The following PODN variants were observed in gnomAD, a reference collection of about 807,000 sequenced individuals.
PODN encodes podocan, also known as podocan proteoglycan.
In PODN, 40 loss-of-function variants were observed where a neutral mutation model predicts 52.7. The ratio of observed to expected loss-of-function variants is 0.76; its 90% CI spans 0.59 to 0.99. The LOEUF (loss-of-function observed/expected upper bound fraction) is 0.99. PODN is among the 50% of genes least tolerant of loss of function. PODN has a pLI of 0.00. For synonymous variants in PODN, 396 were observed against 377.9 expected (o/e 1.05, Z -0.56); for missense variants, 720 against 815.1 (o/e 0.88, Z 1.42).
chr1:53,069,993 G>A lies in PODN; in HGVS notation c.138G>A (p.Ala46=), dbSNP rs759710132. ...HSLSPEENEF[A]EEEPVLVLSP... is the part of the protein sequence containing the mutation. ...TGAGCCCCGAAGAGAACGAATTTGC[G>A]GAGGAGGAGCCGGTGCTGGTACTGA... The change falls in exon 2 of 11, where the codon GCG becomes GCA. Residue 46 remains alanine (A), a synonymous_variant. Transcript: ENST00000312553. The A allele has an allele frequency of 2.3e-5, 37 of 1,611,910 alleles. No individual in the cohort carries two copies. Among genetic ancestry groups the A allele is most frequent in the South Asian group, 5.5e-5 (5 of 90,960 alleles).
At chr1:53,072,842 C>A (rs1180213782) in intron 3 of PODN, 1 of 152,310 alleles carries the variant, frequency 6.6e-6, no homozygotes, top group Non-Finnish European at 1.5e-5. Flanking sequence ...AGGTGGATCA[C>A]CTGAGGTCAG....
Position 53,074,899 on chromosome 1 carries a change from G to T in PODN, c.471+229G>T, listed in dbSNP as rs376690103. ...GACAGAAGCCAAGGCCCACAGGAGT[G>T]TAGAGGGGGAAGAGCTTGTCCCCAC... On this transcript the variant is annotated intron_variant, in intron 4 of 10. Transcript: ENST00000312553. Among the ~76,000 whole-genome samples the T allele has an allele frequency of 7.2e-5, 11 of 152,246 alleles. No individual in the cohort carries two copies. The East Asian group carries it at 2.1e-3, about 29-fold the overall frequency.
chr1:53,067,573 A>C (rs925060691), intron 1 of PODN, among the ~76,000 whole-genome samples: 2 of 152,126 alleles, frequency 1.3e-5, no homozygotes, highest in African/African-American at 4.8e-5. Flanking sequence ...GGCGGCTACG[A>C]TGTCTGCAAC....
In PODN at chr1:53,077,214, G is replaced by T. The variant is rs1024491921; in HGVS notation, c.606G>T (p.Lys202Asn). 3.1e-6 allele frequency: 5 copies of T among 1,613,264 alleles called. No individual in the cohort carries two copies. The highest frequency in any genetic ancestry group is 4.2e-6 in the Non-Finnish European group (5 of 1,180,018). The change falls in exon 6 of 11, where the codon AAG becomes AAT. Residue 202 changes from lysine (K) to asparagine (N), a missense_variant. Lys to Asn is a moderately conservative substitution (Grantham distance 94). Coordinates refer to ENST00000312553, the MANE Select transcript of PODN (RefSeq NM_153703.5). The stretch of plus-strand genomic sequence containing the variant: ...GGTCTGTGTACCTGCACAACAACAA[G>T]CTGGCAGACGCCGGGCTGCCGGACA... ...NLRSVYLHNN[K>N]LADAGLPDNM... is the part of the protein sequence containing the mutation.
At chr1:53,074,692 G>A (rs190197693) in intron 4 of PODN, 22 bp downstream of exon 4, 176 of 1,610,300 alleles carry the variant, frequency 1.1e-4, no homozygotes, top group Admixed American at 3.8e-4. Flanking sequence ...GAGGCAGGGT[G>A]GGGGGTTGCT....
chr1:53,080,822 C>T lies in PODN; in HGVS notation c.1607C>T (p.Ala536Val), dbSNP rs1415501705. The change falls in exon 9 of 11, where the codon GCG (alanine) becomes GTG (valine). Residue 536 changes from alanine (A) to valine (V), a missense_variant. Ala to Val is a moderately conservative substitution (Grantham distance 64). Transcript: ENST00000312553. Reference sequence around the variant, plus strand: ...TACCTGCAGAACAACAAGATTAGTGCGGTGCCCGCCAATGCCTTCGACTCC... The same window carrying T: ...TACCTGCAGAACAACAAGATTAGTGTGGTGCCCGCCAATGCCTTCGACTCC... ...YLYLQNNKIS[A>V]VPANAFDSTP... 2.6e-5 allele frequency: 42 copies of T among 1,613,908 alleles called. No homozygotes were observed. Among genetic ancestry groups the T allele is most frequent in the Middle Eastern group, 1.6e-4 (1 of 6,084 alleles).
intron 9 of PODN, 68 bp from the exon 10 acceptor site, chr1:53,081,913 C>T: frequency 6.5e-7 from 1 of 1,527,046 alleles, no homozygotes; most frequent in East Asian, 2.3e-5. Flanking sequence ...CTGGAGAGGC[C>T]AGTCGGGGGA....
At position 53,078,558 on chromosome 1, in the gene PODN, A is replaced by T; in HGVS notation, c.1048A>T (p.Ile350Phe). The change falls in exon 8 of 11, where the codon ATC becomes TTC. Residue 350 changes from isoleucine to phenylalanine, a missense_variant. Physicochemically the swap from Ile to Phe is conservative, Grantham distance 21 (BLOSUM62 0). Transcript: ENST00000312553. The stretch of plus-strand genomic sequence containing the variant: ...CAGCAACCAGCTGCGGGAGCAGGGC[A>T]TCCACCCACTGGCCTTCCAGGGCCT... ...LHSNQLREQGIHPLAFQGLKR... is the reference protein window; with the variant it reads ...LHSNQLREQGFHPLAFQGLKR... The T allele has an allele frequency of 1.2e-6, 2 of 1,613,112 alleles. No individual in the cohort carries two copies. Among genetic ancestry groups the T allele is most frequent in the African/African-American group, 1.3e-5 (1 of 75,082 alleles).
intron 6 of PODN, 140 bp from the exon 7 acceptor site, chr1:53,077,545 G>T: frequency 2.7e-6 from 3 of 1,127,392 alleles, no homozygotes; most frequent in Non-Finnish European, 3.8e-6. Context: ...GTGTGGCGTT[G>T]GTGGCCCCAC....
chr1:53,062,339 A>G (rs1643969591), intron 1 of PODN, 31 bp downstream of exon 1: 20 of 1,234,926 alleles, frequency 1.6e-5, no homozygotes, highest in Admixed American at 4.3e-5. Flanking sequence ...GGGTGGGCCG[A>G]GGGGCCGGGG....
Position 53,078,846 on chromosome 1 carries a change from C to T in PODN, c.1336C>T (p.Pro446Ser). 9 of 1,612,748 alleles carry T rather than the reference C, an allele frequency of 5.6e-6. No individual in the cohort carries two copies. Among genetic ancestry groups the T allele is most frequent in the Non-Finnish European group, 6.8e-6 (8 of 1,179,666 alleles). Residue 446 changes from proline (P) to serine (S), a missense_variant, in exon 8 of 11, where the codon CCA (proline) becomes TCA (serine). Physicochemically the swap from Pro to Ser is moderately conservative, Grantham distance 74. Coordinates refer to ENST00000312553, the MANE Select transcript of PODN (RefSeq NM_153703.5). Reference sequence around the variant, plus strand: ...GTCGGGCAACCGGCTGCACACGCTGCCACCTGGGCTGCCTCGAAATGTCCA... The same window carrying T: ...GTCGGGCAACCGGCTGCACACGCTGTCACCTGGGCTGCCTCGAAATGTCCA... The part of the protein sequence containing the change: ...DLSGNRLHTL[P>S]PGLPRNVHVL...
Position 53,066,185 on chromosome 1 carries a change from C to T in PODN, c.-55-3616C>T, listed in dbSNP as rs529176164. ...TAATTTTTTGTATTTTTTAGAGAGACGAAGTTTCGCCATCTTGCCCAGGCT... is the reference window on the plus strand; with the variant it reads ...TAATTTTTTGTATTTTTTAGAGAGATGAAGTTTCGCCATCTTGCCCAGGCT... On this transcript the variant is annotated intron_variant, in intron 1 of 10. Coordinates refer to ENST00000312553, the MANE Select transcript of PODN (RefSeq NM_153703.5). Among the ~76,000 whole-genome samples, 55 of 151,802 alleles carry T rather than the reference C, an allele frequency of 3.6e-4. 1 individual carries two copies. The South Asian group carries it at 0.011, about 30-fold the overall frequency.
intron 10 of PODN, among the ~76,000 whole-genome samples, chr1:53,083,295 C>A (rs1457938751): frequency 6.6e-6 from 1 of 152,184 alleles, no homozygotes; most frequent in East Asian, 1.9e-4. Context: ...CGAGGGGAGC[C>A]CTGTGTGAGG....
At chr1:53,075,499 C>A (rs554217570) in intron 4 of PODN, among the ~76,000 whole-genome samples, 1 of 152,358 alleles carries the variant, frequency 6.6e-6, no homozygotes, top group East Asian at 1.9e-4. Flanking sequence ...TCACTTGCCC[C>A]CCATTCTTGG....
intron 1 of PODN, chr1:53,066,733 T>C: frequency 3.7e-6 from 5 of 1,367,808 alleles, no homozygotes; most frequent in Non-Finnish European, 4.0e-6. Context: ...CTCAGCTCCC[T>C]GAGTTGTAAA....
Position 53,070,047 on chromosome 1 carries a change from C to T in PODN, c.192C>T (p.Ala64=), listed in dbSNP as rs368101866. The T allele has an allele frequency of 2.4e-5, 38 of 1,612,838 alleles. 1 individual carries two copies. In the Middle Eastern group the frequency reaches 1.6e-3, roughly 70 times the overall value. The change falls in exon 2 of 11, where the codon GCC becomes GCT. Residue 64 remains alanine, a synonymous_variant. Transcript: ENST00000312553. The part of the protein sequence containing the change: ...LSPEEPGPGP[A]AVSCPRDCAC... ...CTGAGGAGCCCGGGCCTGGCCCAGCCGCGGTCAGCTGCCCCCGAGACTGTG... is the reference window on the plus strand; with the variant it reads ...CTGAGGAGCCCGGGCCTGGCCCAGCTGCGGTCAGCTGCCCCCGAGACTGTG...
At position 53,076,775 on chromosome 1, in the gene PODN, A is replaced by G. The variant is rs1644200480; in HGVS notation, c.582-415A>G. ...CTGAGACAGGCCCTGTGCTGGCACTAGGGCCAAAGAGGCAGGCAGAGATAG... is the reference window on the plus strand; with the variant it reads ...CTGAGACAGGCCCTGTGCTGGCACTGGGGCCAAAGAGGCAGGCAGAGATAG... On this transcript the variant is annotated intron_variant, in intron 5 of 10. Coordinates refer to ENST00000312553, the MANE Select transcript of PODN (RefSeq NM_153703.5). Among the ~76,000 whole-genome samples, 6 of 152,238 alleles carry G rather than the reference A, an allele frequency of 3.9e-5. No homozygotes were observed. The South Asian group carries it at 1.2e-3, about 32-fold the overall frequency.
intron 2 of PODN, 185 bp from the exon 3 acceptor site, chr1:53,071,350 C>A: frequency 1.7e-6 from 1 of 594,548 alleles, no homozygotes. Context: ...CTGCTGTGCC[C>A]CAGAGCCCAT....
chr1:53,078,305 T>C (rs1476658446), intron 7 of PODN, 60 bp from the exon 8 acceptor site: 8 of 1,492,160 alleles, frequency 5.4e-6, no homozygotes, highest in African/African-American at 1.4e-5. Flanking sequence ...TTGGGAATCA[T>C]GGTGGAAACG....
Sources: gnomAD v4.1 joint callset for allele counts (sites outside exome capture counted in the v4.1 genomes callset) on GRCh38, gnomAD v4.1.1 for gene constraint, MANE v1.5 for transcripts, NCBI Gene and HGNC (gene_info 2026-07-23, HGNC 2026-07-21) for gene names.